The following UXT variants were observed in gnomAD, a reference collection of about 807,000 sequenced individuals.
The protein encoded by UXT is protein UXT.
For synonymous variants in UXT, 54 were observed against 52.8 expected, an observed-to-expected ratio of 1.02 and a Z score of -0.10; for missense variants, 111 against 132.7, an observed-to-expected ratio of 0.84 and a Z score of 0.80.
rs766507687 is a variant in UXT at position 47,652,095 on chromosome X, G to A, written c.442C>T (p.His148Tyr). The change falls in exon 5 of 6, where the codon CAC becomes TAC. Residue 148 changes from histidine (H) to tyrosine (Y), a missense_variant. Physicochemically the swap from His to Tyr is moderately conservative, Grantham distance 83. Coordinates refer to ENST00000335890, the MANE Select transcript of UXT (RefSeq NM_153477.3). The stretch of plus-strand genomic sequence containing the variant: ...GCTGCTCTCACCTCTAGCAACATGT[G>A]GATATGGGCTTTGATATTCATGGAG... 1 of 1,209,671 alleles carries A rather than the reference G, an allele frequency of 8.3e-7. No homozygotes were observed. The highest frequency in any genetic ancestry group is 2.3e-4 in the Middle Eastern group (1 of 4,321).
At chrX:47,657,549 C>T in intron 3 of UXT, 23 bp downstream of exon 4, 1 of 1,203,940 alleles carries the variant, frequency 8.3e-7, no homozygotes, top group Non-Finnish European at 1.1e-6. Flanking sequence ...CCTGTGGGCT[C>T]AGAGGGGCGG....
At chrX:47,657,720 T>C (rs1420340100) in intron 2 of UXT, 62 bp downstream of exon 3, 1 of 1,182,548 alleles carries the variant, frequency 8.5e-7, no homozygotes, top group Admixed American at 2.2e-5. Context: ...GAGTCTCTCT[T>C]CCCATTTCCC....
intron 4 of UXT, chrX:47,654,176 T>G: frequency 1.8e-6 from 1 of 554,600 alleles, no homozygotes; most frequent in Non-Finnish European, 2.2e-6. Context: ...TGATTTAGTA[T>G]GTAAGGCAGT....
chrX:47,652,463 C>T, intron 4 of UXT, among the ~76,000 whole-genome samples: 1 of 112,405 alleles, frequency 8.9e-6, no homozygotes, highest in Non-Finnish European at 1.9e-5. Flanking sequence ...GTTCTAACTA[C>T]AATAACAAAA....
At chrX:47,654,109 GAT>G (rs1237707163) in intron 4 of UXT, 6 of 749,077 alleles carry the variant, frequency 8.0e-6, no homozygotes, top group Non-Finnish European at 9.4e-6. Context: ...ACACAAAAGG[GAT>G]ATGTTTATTA....
intron 4 of UXT, among the ~76,000 whole-genome samples, chrX:47,655,886 G>GCCCAT (rs2058081931): frequency 8.9e-6 from 1 of 112,165 alleles, no homozygotes; most frequent in Non-Finnish European, 1.9e-5. Flanking sequence ...ATGCGGTCCA[G>GCCCAT]GACGGCTTTG....
At chrX:47,657,422 G>T in intron 3 of UXT, 132 bp from the exon 5 acceptor site, 1 of 807,791 alleles carries the variant, frequency 1.2e-6, no homozygotes, top group Non-Finnish European at 1.8e-6. Flanking sequence ...TTTATTCACT[G>T]TCACATCCCC....
chrX:47,656,334 C>T (rs775617853), intron 4 of UXT, among the ~76,000 whole-genome samples: 1 of 111,460 alleles, frequency 9.0e-6, no homozygotes, highest in South Asian at 3.8e-4. Flanking sequence ...AGCGAGACAC[C>T]ATCTCTTAAA....
At chrX:47,657,146 G>A (rs753280695) in intron 4 of UXT, 37 bp downstream of exon 5, 34 of 1,064,970 alleles carry the variant, frequency 3.2e-5, no homozygotes, top group Non-Finnish European at 4.1e-5. Context: ...TGGAAATGGT[G>A]GTGTTTTTAC....
chrX:47,657,891 C>G (rs1381942209), intron 1 of UXT, 28 bp from the exon 3 acceptor site: 34 of 1,067,534 alleles, frequency 3.2e-5, no homozygotes, highest in Non-Finnish European at 4.2e-5. Flanking sequence ...CAATGGTGAC[C>G]AATAGGCAGC....
In UXT at chrX:47,658,930, T is replaced by C; in HGVS notation, c.34A>G (p.Ile12Val). 8.3e-7 allele frequency: 1 copy of C among 1,198,519 alleles called. No individual in the cohort carries two copies. Among genetic ancestry groups the C allele is most frequent in the Non-Finnish European group, 1.1e-6 (1 of 887,546 alleles). The change falls in exon 1 of 6, where the codon ATC (isoleucine) becomes GTC (valine). Residue 12 changes from isoleucine (I) to valine (V), a missense_variant. Coordinates refer to ENST00000335890, the MANE Select transcript of UXT (RefSeq NM_153477.3). ...CGCCGCTTAGGGGGCGTCGCCATGA[T>C]GGGCTCCTGGGGAGTGGGGAGGGGG...
intron 4 of UXT, 138 bp downstream of exon 5, chrX:47,657,045 A>AC (rs2058085874): frequency 2.0e-6 from 1 of 501,084 alleles, no homozygotes; most frequent in South Asian, 3.3e-5. Flanking sequence ...GGGCTTTGCA[A>AC]CCCCATTTCT....
chrX:47,656,672 A>G (rs1191862436), intron 4 of UXT, among the ~76,000 whole-genome samples: 1 of 111,519 alleles, frequency 9.0e-6, no homozygotes, highest in African/African-American at 3.3e-5. Context: ...CAGAGAGAAC[A>G]GCTACAGCAA....
chrX:47,659,076 G>C lies in UXT; in HGVS notation c.-113C>G. 9.0e-7 allele frequency: 1 copy of C among 1,109,277 alleles called. No individual in the cohort carries two copies. The allele number at this position is 1,109,277 out of a possible 1,213,427, so 91.4% of individuals were successfully genotyped here. A position where few individuals can be genotyped will look rare whatever the true frequency, so the allele number is the denominator to read the frequency against. On this transcript the variant is annotated 5_prime_UTR_variant, in exon 1 of 6. Transcript: ENST00000335890. ...CAGCCTTCCGCCCCTCCCAACTCGG[G>C]GACCCGACCACCCAGGGACACCCAA... is the stretch of plus-strand genomic sequence containing the variant.
At chrX:47,658,011 G>C (rs1324922163) in intron 1 of UXT, 148 bp from the exon 3 acceptor site, 3 of 385,292 alleles carry the variant, frequency 7.8e-6, no homozygotes, top group South Asian at 1.0e-4. Flanking sequence ...GGGTCAGACT[G>C]CCTGGGTTTG....
chrX:47,658,920 G>A lies in UXT; in HGVS notation c.44C>T (p.Thr15Met). ...CTCCACCGCCCGCCGCTTAGGGGGC[G>A]TCGCCATGATGGGCTCCTGGGGAGT... The change falls in exon 1 of 6, where the codon ACG becomes ATG. Residue 15 changes from threonine (T) to methionine (M), a missense_variant. Physicochemically the swap from Thr to Met is moderately conservative, Grantham distance 81. Coordinates refer to ENST00000335890, the MANE Select transcript of UXT (RefSeq NM_153477.3). 2.5e-6 allele frequency: 3 copies of A among 1,196,253 alleles called. No homozygotes were observed. Among genetic ancestry groups the A allele is most frequent in the Non-Finnish European group, 3.4e-6 (3 of 885,948 alleles).
chrX:47,651,920 G>A, intron 5 of UXT, 25 bp from the exon 7 acceptor site: 2 of 1,207,780 alleles, frequency 1.7e-6, no homozygotes, highest in South Asian at 3.5e-5. Flanking sequence ...AGAAGAGATT[G>A]AACAAAGACT....
chrX:47,657,698 G>A (rs775320358), intron 2 of UXT, 59 bp from the exon 4 acceptor site: 1 of 1,187,397 alleles, frequency 8.4e-7, no homozygotes, highest in South Asian at 1.8e-5. Context: ...TCAGGTGACA[G>A]GGTTGGGTCT....
intron 4 of UXT, among the ~76,000 whole-genome samples, chrX:47,653,339 C>T (rs2058073954): frequency 8.9e-6 from 1 of 111,818 alleles, no homozygotes; most frequent in Non-Finnish European, 1.9e-5. Flanking sequence ...TTATTTCTAG[C>T]CCAGAACTCT....
Sources: gnomAD v4.1 joint callset for allele counts (sites outside exome capture counted in the v4.1 genomes callset) on GRCh38, gnomAD v4.1.1 for gene constraint, MANE v1.5 for transcripts, NCBI Gene and HGNC (gene_info 2026-07-23, HGNC 2026-07-21) for gene names.